The following KLRG1 variants were observed in gnomAD, a reference collection of about 807,000 sequenced individuals.
KLRG1 encodes the protein killer cell lectin-like receptor subfamily G member 1.
KLRG1 carries 16 observed loss-of-function variants against 21.8 expected under a neutral mutation model. That is an observed-to-expected ratio of 0.73 (90% CI 0.50 to 1.11). The LOEUF is 1.11. Ranked by LOEUF, KLRG1 falls within the 50% of genes most tolerant of loss-of-function variation. KLRG1 has a pLI of 0.00. For missense variants in KLRG1, 173 were observed against 218.3 expected, an observed-to-expected ratio of 0.79 and a Z score of 1.31; for synonymous variants, 69 against 75.9, an observed-to-expected ratio of 0.91 and a Z score of 0.47.
At chr12:9,036,450 T>C in the KLRG1 span, 2 of 168,986 alleles carry the variant, frequency 1.2e-5, no homozygotes, top group African/African-American at 2.4e-5. Context: ...GGATTTGGTT[T>C]GGGGTTGGTA....
At chr12:9,156,519 T>C in the KLRG1 span, 2 of 152,748 alleles carry the variant, frequency 1.3e-5, no homozygotes, top group Non-Finnish European at 2.9e-5. Context: ...CAGGACGGCA[T>C]TGGGTGGGAA....
At chr12:9,033,010 GTCAA>G in the KLRG1 span, among the ~76,000 whole-genome samples, 129 of 152,298 alleles carry the variant, frequency 8.5e-4, 1 homozygote, top group Non-Finnish European at 1.6e-3. Context: ...TTAGCCTCCT[GTCAA>G]TCAAACTCTT....
the KLRG1 span, among the ~76,000 whole-genome samples, chr12:9,042,770 T>TTA: frequency 0.082 from 12,475 of 152,118 alleles, 802 homozygotes; most frequent in African/African-American, 0.18. Flanking sequence ...TCTTCAAACT[T>TTA]TTATAGTCAG....
At chr12:9,088,438 A>G in the KLRG1 span, among the ~76,000 whole-genome samples, 2 of 152,204 alleles carry the variant, frequency 1.3e-5, no homozygotes, top group African/African-American at 4.8e-5. Flanking sequence ...ATAGGTAATC[A>G]GTTCACTTAA....
At chr12:9,077,262 A>T in the KLRG1 span, 1 of 1,269,516 alleles carries the variant, frequency 7.9e-7, no homozygotes, top group Non-Finnish European at 1.1e-6. Flanking sequence ...CTTTGCTTTT[A>T]ATAGGATAGT....
chr12:9,155,055 G>C, the KLRG1 span, among the ~76,000 whole-genome samples: 1 of 152,186 alleles, frequency 6.6e-6, no homozygotes, highest in Non-Finnish European at 1.5e-5. Context: ...GATGGAGGAA[G>C]AAGCATAGAG....
the KLRG1 span, chr12:9,094,911 T>C: frequency 2.2e-6 from 2 of 910,128 alleles, no homozygotes; most frequent in Middle Eastern, 3.2e-4. Flanking sequence ...ATTGTATCTT[T>C]TAAAAAATTT....
chr12:9,187,329 G>T, the KLRG1 span, among the ~76,000 whole-genome samples: 1 of 152,060 alleles, frequency 6.6e-6, no homozygotes, highest in Non-Finnish European at 1.5e-5. Flanking sequence ...GGACCCAAAT[G>T]GATCTGATAG....
At chr12:9,214,794 C>T in the KLRG1 span, among the ~76,000 whole-genome samples, 2 of 151,778 alleles carry the variant, frequency 1.3e-5, no homozygotes, top group African/African-American at 4.8e-5. Flanking sequence ...ATTTGCTTGT[C>T]ATTTTGATTA....
At chr12:9,210,948 A>G in the KLRG1 span, among the ~76,000 whole-genome samples, 1 of 152,290 alleles carries the variant, frequency 6.6e-6, no homozygotes, top group East Asian at 1.9e-4. Flanking sequence ...TAATGCTTTG[A>G]TAAATATCTT....
chr12:9,204,340 A>T, the KLRG1 span, among the ~76,000 whole-genome samples: 2 of 152,310 alleles, frequency 1.3e-5, no homozygotes, highest in East Asian at 3.9e-4. Flanking sequence ...AAAAATTGGG[A>T]GTGATTATTC....
chr12:9,156,056 G>T, the KLRG1 span: 5 of 210,756 alleles, frequency 2.4e-5, no homozygotes, highest in Admixed American at 2.6e-4. Flanking sequence ...TAGTTTCTGA[G>T]ATTAGAAAGA....
the KLRG1 span, among the ~76,000 whole-genome samples, chr12:9,158,079 T>C: frequency 1.3e-5 from 2 of 152,272 alleles, no homozygotes; most frequent in Admixed American, 6.5e-5. Context: ...GCTTGTCAAG[T>C]AGCTGCAACT....
At chr12:9,044,736 G>A in the KLRG1 span, among the ~76,000 whole-genome samples, 1 of 152,072 alleles carries the variant, frequency 6.6e-6, no homozygotes, top group Non-Finnish European at 1.5e-5. Flanking sequence ...GAACACAGGG[G>A]AAATGAGACC....
At chr12:9,182,262 A>G in the KLRG1 span, 1 of 680,640 alleles carries the variant, frequency 1.5e-6, no homozygotes, top group Non-Finnish European at 2.1e-6. Flanking sequence ...TCTATGTGCC[A>G]TTAGTTATTT....
At chr12:9,017,891 A>C in the KLRG1 span, among the ~76,000 whole-genome samples, 1 of 152,236 alleles carries the variant, frequency 6.6e-6, no homozygotes, top group African/African-American at 2.4e-5. Context: ...AAAACTATTA[A>C]AACTGATTAA....
At chr12:9,091,125 T>C in the KLRG1 span, 2 of 1,497,908 alleles carry the variant, frequency 1.3e-6, no homozygotes, top group Non-Finnish European at 1.8e-6. Context: ...TACAAGAGTT[T>C]GCAGTATTCC....
chr12:9,098,141 C>T, the KLRG1 span, among the ~76,000 whole-genome samples: 3 of 152,122 alleles, frequency 2.0e-5, no homozygotes, highest in Non-Finnish European at 4.4e-5. Context: ...ACGGCTTCCC[C>T]GGTTGCTCAG....
chr12:9,051,515 T>A, the KLRG1 span, among the ~76,000 whole-genome samples: 9 of 152,180 alleles, frequency 5.9e-5, no homozygotes, highest in African/African-American at 2.2e-4. Flanking sequence ...ACGCTTCCTG[T>A]CTGTTGATGG....
Sources: gnomAD v4.1 joint callset for allele counts (sites outside exome capture counted in the v4.1 genomes callset) on GRCh38, gnomAD v4.1.1 for gene constraint, MANE v1.5 for transcripts, NCBI Gene and HGNC (gene_info 2026-07-23, HGNC 2026-07-21) for gene names.